RP1: variants seen among roughly 807,000 people sequenced by gnomAD.
The protein encoded by RP1 is RP1 axonemal microtubule associated.
In RP1, 16 loss-of-function variants were observed where a neutral mutation model predicts 14.8. The ratio of observed to expected loss-of-function variants is 1.08; its 90% confidence interval spans 0.73 to 1.65. The LOEUF (loss-of-function observed/expected upper bound fraction) is 1.65, where lower values mean the gene tolerates loss of function less well. RP1 is among the 40% of genes most tolerant of loss of function. The probability of loss-of-function intolerance (pLI) is 0.00; values close to 1 mark genes in which losing one functional copy is unlikely to be tolerated. For missense variants in RP1, 2,631 were observed against 2,535.0 expected, an observed-to-expected ratio of 1.04 and a Z score of -0.81; for synonymous variants, 876 against 883.6, an observed-to-expected ratio of 0.99 and a Z score of 0.15.
chr8:54,782,953 C>A (rs756925008), intron 23 of RP1, among the ~76,000 whole-genome samples: 1 of 152,020 alleles, frequency 6.6e-6, no homozygotes, highest in Admixed American at 6.6e-5. Flanking sequence ...CTCCCCAAGC[C>A]CAATTCCTTT....
chr8:54,705,262 A>G (rs777750352), intron 14 of RP1, among the ~76,000 whole-genome samples: 23 of 152,148 alleles, frequency 1.5e-4, no homozygotes, highest in Non-Finnish European at 2.8e-4. Flanking sequence ...TAGAGAAAGG[A>G]TACAGATTAA....
intron 7 of RP1, among the ~76,000 whole-genome samples, chr8:54,666,213 T>C (rs1563341985): frequency 1.3e-5 from 2 of 152,160 alleles, no homozygotes; most frequent in African/African-American, 2.4e-5. Context: ...TTCTAATTAC[T>C]TGACTTATCA....
intron 1 of RP1, among the ~76,000 whole-genome samples, chr8:54,588,500 TG>T (rs1804980990): frequency 6.6e-6 from 1 of 152,148 alleles, no homozygotes; most frequent in Non-Finnish European, 1.5e-5. Context: ...AGAAGGAAGC[TG>T]GGCCCAGGAA....
chr8:54,855,969 ACACC>A (rs759469451), intron 26 of RP1, among the ~76,000 whole-genome samples: 6,475 of 58,306 alleles, frequency 0.11, 257 homozygotes, highest in African/African-American at 0.24. Flanking sequence ...ACACACACAC[ACACC>A]CCCTATAACC....
intron 3 of RP1, among the ~76,000 whole-genome samples, chr8:54,644,019 C>A (rs1458128535): frequency 2.0e-5 from 3 of 152,116 alleles, no homozygotes; most frequent in African/African-American, 7.2e-5. Context: ...CACAAAGTCC[C>A]AAATCTCATT....
At chr8:54,805,105 T>A (rs1317976843) in intron 24 of RP1, among the ~76,000 whole-genome samples, 2 of 152,200 alleles carry the variant, frequency 1.3e-5, no homozygotes, top group Non-Finnish European at 2.9e-5. Context: ...TGGCAGTGCC[T>A]GAATTTTGAG....
At chr8:54,772,776 GC>G (rs1809940461), downstream of RP1, among the ~76,000 whole-genome samples, 1 of 152,108 alleles carries the variant, frequency 6.6e-6, no homozygotes, top group South Asian at 2.1e-4. Flanking sequence ...ACTGCCCACT[GC>G]CCCCAGTCAC....
At chr8:54,748,388 T>A (rs879726194) in intron 19 of RP1, among the ~76,000 whole-genome samples, 2 of 152,202 alleles carry the variant, frequency 1.3e-5, no homozygotes, top group Non-Finnish European at 2.9e-5. Context: ...AAATGTTTAA[T>A]CTCAAAAGAC....
At chr8:54,758,845 T>C (rs1809568930) in intron 21 of RP1, 1 of 1,415,022 alleles carries the variant, frequency 7.1e-7, no homozygotes, top group African/African-American at 1.4e-5. Context: ...GTCGTTTAAC[T>C]ATTATTATTG....
Position 54,628,316 on chromosome 8 carries a change from C to T in RP1, c.4434C>T (p.Ile1478=), listed in dbSNP as rs1350138700. Residue 1478 remains isoleucine (I), a synonymous_variant, in exon 4 of 4, where the codon ATC becomes ATT. Transcript: ENST00000220676. ...FEELENHDTD[I]FNTVVNGGEQ... The stretch of plus-strand genomic sequence containing the variant: ...AATTAGAAAACCATGACACTGATAT[C>T]TTTAATACAGTGGTAAATGGAGGAG... 1.9e-6 allele frequency: 3 copies of T among 1,613,694 alleles called. No homozygotes were observed. Among genetic ancestry groups the T allele is most frequent in the Non-Finnish European group, 2.5e-6 (3 of 1,179,836 alleles).
At chr8:54,604,824 A>C (rs1338261443) in intron 1 of RP1, among the ~76,000 whole-genome samples, 1 of 152,044 alleles carries the variant, frequency 6.6e-6, no homozygotes. Flanking sequence ...GTTTATTTTC[A>C]TATAGGTGTT....
At chr8:54,568,980 G>T (rs955790193) in intron 1 of RP1, among the ~76,000 whole-genome samples, 5 of 152,202 alleles carry the variant, frequency 3.3e-5, no homozygotes, top group Non-Finnish European at 7.3e-5. Flanking sequence ...ATGTTCTGGG[G>T]TTGCTGTGAG....
intron 24 of RP1, among the ~76,000 whole-genome samples, chr8:54,789,491 G>C (rs568796942): frequency 6.6e-6 from 1 of 152,110 alleles, no homozygotes; most frequent in Admixed American, 6.5e-5. Flanking sequence ...AGGGAAGGCA[G>C]CCCAGCCAGT....
intron 20 of RP1, among the ~76,000 whole-genome samples, chr8:54,755,235 G>A (rs1809472644): frequency 6.6e-6 from 1 of 151,984 alleles, no homozygotes; most frequent in African/African-American, 2.4e-5. Context: ...TTACCTCCTC[G>A]CTTGATTTGT....
At chr8:54,851,998 A>G (rs888759574) in intron 25 of RP1, among the ~76,000 whole-genome samples, 1 of 152,208 alleles carries the variant, frequency 6.6e-6, no homozygotes, top group Non-Finnish European at 1.5e-5. Flanking sequence ...TATTTCTATC[A>G]ATGTCTCAGA....
intron 24 of RP1, among the ~76,000 whole-genome samples, chr8:54,818,795 G>T (rs61134972): frequency 1.1e-3 from 164 of 152,246 alleles, no homozygotes; most frequent in African/African-American, 3.8e-3. Flanking sequence ...TTACTGACAG[G>T]ATCTCAGAAC....
rs181799275 is a variant in RP1, at chr8:54,688,996, G to A, written c.1717+9063G>A. 3.9e-5 allele frequency among the ~76,000 whole-genome samples: 6 copies of A among 152,200 alleles called. No homozygotes were observed. The East Asian group carries it at 9.7e-4, about 25-fold the overall frequency. On this transcript the variant is annotated intron_variant, in intron 12 of 22. Coordinates refer to the RP1 transcript ENST00000636932. Reference sequence around the variant, plus strand: ...GTCATCTTTTATTTCGTTGAGCAGTGGTTTGTAGTTCTTCTTGAAGAGGTC... The same window carrying A: ...GTCATCTTTTATTTCGTTGAGCAGTAGTTTGTAGTTCTTCTTGAAGAGGTC...
chr8:54,862,129 G>A lies in RP1; in HGVS notation c.4070-3706G>A, dbSNP rs118092838. On this transcript the variant is annotated intron_variant, in intron 27 of 28. Transcript: ENST00000637698. ...AACAAAGAATTATCAGGCCCCAAAT[G>A]TCAGCAGAGCTGAGGCTAAGAAACC... is the stretch of plus-strand genomic sequence containing the variant. Among the ~76,000 whole-genome samples the A allele has an allele frequency of 1.2e-3, 185 of 152,244 alleles. 2 individuals carry two copies. The East Asian group carries it at 0.03, about 25-fold the overall frequency.
chr8:54,792,744 G>A (rs1027815746), intron 24 of RP1, among the ~76,000 whole-genome samples: 9 of 151,572 alleles, frequency 5.9e-5, no homozygotes, highest in African/African-American at 2.2e-4. Flanking sequence ...AAACAATAAA[G>A]ATCTCAAATA....
Sources: gnomAD v4.1 joint callset for allele counts (sites outside exome capture counted in the v4.1 genomes callset) on GRCh38, gnomAD v4.1.1 for gene constraint, MANE v1.5 for transcripts, NCBI Gene and HGNC (gene_info 2026-07-23, HGNC 2026-07-21) for gene names.